The following ATP10B variants were observed in gnomAD, a reference collection of about 807,000 sequenced individuals.
ATP10B encodes the protein phospholipid-transporting ATPase VB.
ATP10B carries 122 observed loss-of-function variants against 141.2 expected under a neutral mutation model. The ratio of observed to expected loss-of-function variants is 0.86; its 90% CI spans 0.75 to 1.00. ATP10B has a LOEUF of 1.00. ATP10B is among the 50% of genes least tolerant of loss of function. The pLI is 0.00. For synonymous variants in ATP10B, 685 were observed against 692.0 expected, an observed-to-expected ratio of 0.99 and a Z score of 0.16; for missense variants, 1,876 against 1,825.3, an observed-to-expected ratio of 1.03 and a Z score of -0.51.
chr5:160,582,549 C>A (rs115057857), intron 24 of ATP10B, among the ~76,000 whole-genome samples: 7,144 of 152,270 alleles, frequency 0.047, 242 homozygotes, highest in Non-Finnish European at 0.072. Flanking sequence ...GGGAACCCGA[C>A]CTTTCTCTCT....
chr5:160,845,585 AG>A (rs1386089902), intron 1 of ATP10B, among the ~76,000 whole-genome samples: 1 of 152,210 alleles, frequency 6.6e-6, no homozygotes, highest in East Asian at 1.9e-4. Flanking sequence ...ATGAACAAAA[AG>A]TTTTTTTAAA....
At chr5:160,844,018 T>A (rs945823169) in intron 1 of ATP10B, among the ~76,000 whole-genome samples, 10 of 152,178 alleles carry the variant, frequency 6.6e-5, no homozygotes, top group Non-Finnish European at 1.3e-4. Flanking sequence ...AAAATCTGTA[T>A]ATGCCTACAT....
chr5:160,788,954 A>C (rs1375889060), intron 1 of ATP10B, among the ~76,000 whole-genome samples: 1 of 152,210 alleles, frequency 6.6e-6, no homozygotes, highest in East Asian at 1.9e-4. Flanking sequence ...GATACATACA[A>C]AGATGGCTTA....
the ATP10B span, among the ~76,000 whole-genome samples, chr5:160,913,880 G>A: frequency 6.6e-6 from 1 of 152,164 alleles, no homozygotes; most frequent in Admixed American, 6.5e-5. Context: ...CCCTTTGGAA[G>A]GTGCTTAAAT....
rs56029944 is a variant in ATP10B, at chr5:160,648,943, T to TTA, written c.761+227_761+228insTA. Among the ~76,000 whole-genome samples the TTA allele has an allele frequency of 4.1e-4, 61 of 148,556 alleles. 2 individuals carry two copies. The East Asian group carries it at 8.0e-3, about 20-fold the overall frequency. On this transcript the variant is annotated intron_variant, in intron 8 of 25. Coordinates refer to ENST00000327245, the MANE Select transcript of ATP10B (RefSeq NM_025153.3). ...TTACTAAGGTTTTTTTTTTTTTTTTTAACAACATTGGTGAATTTAACCCTG... is the reference window on the plus strand; with the variant it reads ...TTACTAAGGTTTTTTTTTTTTTTTTTTAAACAACATTGGTGAATTTAACCCTG...
intron 24 of ATP10B, among the ~76,000 whole-genome samples, chr5:160,575,441 G>A (rs567877724): frequency 6.6e-4 from 100 of 152,070 alleles, no homozygotes; most frequent in African/African-American, 2.4e-3. Flanking sequence ...TTTGTTTAAA[G>A]AAAGAATAAT....
intron 2 of ATP10B, among the ~76,000 whole-genome samples, chr5:160,758,397 G>A (rs1411132824): frequency 1.3e-5 from 2 of 152,146 alleles, no homozygotes; most frequent in Non-Finnish European, 2.9e-5. Flanking sequence ...ATACATGGCA[G>A]ATATTATTAT....
intron 3 of ATP10B, among the ~76,000 whole-genome samples, chr5:160,693,559 C>G (rs761963945): frequency 3.3e-5 from 5 of 151,998 alleles, no homozygotes; most frequent in Admixed American, 1.3e-4. Flanking sequence ...GAAGAGTGCT[C>G]CAGGTAGAAG....
At chr5:160,854,640 C>T (rs1004129190), upstream of ATP10B, among the ~76,000 whole-genome samples, 24 of 152,074 alleles carry the variant, frequency 1.6e-4, no homozygotes, top group African/African-American at 5.8e-4. Flanking sequence ...CATACCTGTG[C>T]ATGTGTCTTT....
the ATP10B span, among the ~76,000 whole-genome samples, chr5:160,878,224 T>C: frequency 1.9e-4 from 29 of 150,506 alleles, no homozygotes; most frequent in East Asian, 1.4e-3. Context: ...TCAGAAATAA[T>C]GCCACATATC....
chr5:160,792,678 C>G (rs991842490), intron 1 of ATP10B, among the ~76,000 whole-genome samples: 5 of 152,154 alleles, frequency 3.3e-5, no homozygotes, highest in African/African-American at 9.7e-5. Context: ...TGTCTACTTG[C>G]CCTAGATTGC....
intron 1 of ATP10B, among the ~76,000 whole-genome samples, chr5:160,838,711 A>T (rs1775624078): frequency 6.6e-6 from 1 of 152,154 alleles, no homozygotes; most frequent in Non-Finnish European, 1.5e-5. Flanking sequence ...TTTAAATAAG[A>T]GGGTTAGGGA....
At chr5:160,883,211 C>T in the ATP10B span, among the ~76,000 whole-genome samples, 2 of 152,232 alleles carry the variant, frequency 1.3e-5, no homozygotes, top group African/African-American at 4.8e-5. Flanking sequence ...ATAAAGGCAA[C>T]AGAGAAACAT....
chr5:160,606,122 C>A (rs1186929611), intron 19 of ATP10B, among the ~76,000 whole-genome samples: 1 of 152,158 alleles, frequency 6.6e-6, no homozygotes, highest in Non-Finnish European at 1.5e-5. Context: ...CTGAGGGTAA[C>A]AGAAGATCAC....
At chr5:160,792,518 A>G (rs1223889254) in intron 1 of ATP10B, among the ~76,000 whole-genome samples, 2 of 151,890 alleles carry the variant, frequency 1.3e-5, no homozygotes, top group East Asian at 3.9e-4. Context: ...CACCTCTCTG[A>G]AGACAATTCT....
At chr5:160,609,575 C>T (rs895627541) in intron 18 of ATP10B, among the ~76,000 whole-genome samples, 1 of 152,104 alleles carries the variant, frequency 6.6e-6, no homozygotes, top group Non-Finnish European at 1.5e-5. Flanking sequence ...GACAGGGTTT[C>T]ACCATTTTGG....
intron 22 of ATP10B, among the ~76,000 whole-genome samples, chr5:160,594,728 G>A (rs954116155): frequency 6.6e-5 from 10 of 150,796 alleles, no homozygotes; most frequent in African/African-American, 2.4e-4. Context: ...AAAAAGGCAG[G>A]GGTTGCAATC....
the ATP10B span, among the ~76,000 whole-genome samples, chr5:160,859,493 C>T: frequency 6.6e-6 from 1 of 151,774 alleles, no homozygotes; most frequent in Non-Finnish European, 1.5e-5. Flanking sequence ...ATTCAAAGCA[C>T]AGGCCCCCTC....
intron 24 of ATP10B, among the ~76,000 whole-genome samples, chr5:160,579,552 C>T (rs1467338942): frequency 6.6e-6 from 1 of 152,154 alleles, no homozygotes; most frequent in African/African-American, 2.4e-5. Flanking sequence ...CAGTACCATG[C>T]TGTTTTGGTT....
Sources: allele counts gnomAD v4.1 joint callset (sites outside exome capture counted in the v4.1 genomes callset), GRCh38; gene constraint gnomAD v4.1.1; transcripts MANE v1.5; gene names NCBI Gene and HGNC (gene_info 2026-07-23, HGNC 2026-07-21).